PLEKHM2: variants seen among roughly 807,000 people sequenced by gnomAD.
PLEKHM2 encodes pleckstrin homology and RUN domain containing M2.
PLEKHM2 carries 77 observed loss-of-function variants against 116.3 expected under a neutral mutation model. The ratio of observed to expected loss-of-function variants is 0.66; its 90% confidence interval spans 0.55 to 0.80. The LOEUF (loss-of-function observed/expected upper bound fraction) is 0.80. Ranked by LOEUF, PLEKHM2 falls within the 30% of genes least tolerant of loss-of-function variation. The pLI is 0.00. For missense variants in PLEKHM2, 1,183 were observed against 1,354.9 expected (o/e 0.87, Z 1.99); for synonymous variants, 562 against 571.0 (o/e 0.98, Z 0.22).
intron 1 of PLEKHM2, among the ~76,000 whole-genome samples, chr1:15,697,032 G>A (rs565333551): frequency 6.6e-5 from 10 of 152,298 alleles, no homozygotes; most frequent in Admixed American, 4.6e-4. Flanking sequence ...GGTTGTCTGG[G>A]TGGGGGAGGC....
chr1:15,708,100 G>A (rs1332863964), intron 1 of PLEKHM2, among the ~76,000 whole-genome samples: 1 of 152,036 alleles, frequency 6.6e-6, no homozygotes, highest in Non-Finnish European at 1.5e-5. Flanking sequence ...GGCCAGGCTG[G>A]TCTTGAACTC....
At position 15,728,034 on chromosome 1, in the gene PLEKHM2, C is replaced by A; in HGVS notation, c.1761-45C>A. 6.6e-7 allele frequency: 1 copy of A among 1,519,082 alleles called. No individual in the cohort carries two copies. Among genetic ancestry groups the A allele is most frequent in the Non-Finnish European group, 9.0e-7 (1 of 1,105,872 alleles). The allele number at this position is 1,519,082 out of a possible 1,614,324, so 94.1% of individuals were successfully genotyped here. A position where few individuals can be genotyped will look rare whatever the true frequency, so the allele number is the denominator to read the frequency against. On this transcript the variant is annotated intron_variant, in intron 9 of 19. Coordinates refer to ENST00000375799, the MANE Select transcript of PLEKHM2 (RefSeq NM_015164.4). This position sits in a 1 kb window ranked among gnomAD's most constrained non-coding sequence, Gnocchi z 5.9. ...CTGGGGTGGGGTGTGGCCTCTCTCACCGCTGCCTGCCTGACATCTCGCCCT... is the reference window on the plus strand; with the variant it reads ...CTGGGGTGGGGTGTGGCCTCTCTCAACGCTGCCTGCCTGACATCTCGCCCT...
At chr1:15,726,539 A>C (rs1193161440) in intron 8 of PLEKHM2, among the ~76,000 whole-genome samples, 1 of 152,222 alleles carries the variant, frequency 6.6e-6, no homozygotes, top group East Asian at 1.9e-4. Context: ...ACCTGGAACC[A>C]GAGTGGGACC....
chr1:15,706,504 C>G (rs148147268), intron 1 of PLEKHM2, among the ~76,000 whole-genome samples: 2,048 of 152,290 alleles, frequency 0.013, 40 homozygotes, highest in African/African-American at 0.047. Context: ...CTCCCAGGTT[C>G]AAATGATTCT....
At chr1:15,708,398 G>A (rs953582469) in intron 1 of PLEKHM2, among the ~76,000 whole-genome samples, 34 of 150,912 alleles carry the variant, frequency 2.3e-4, no homozygotes, top group African/African-American at 8.1e-4. Flanking sequence ...TGTATTTTTA[G>A]TAGAGATGGG....
In PLEKHM2 at chr1:15,721,041, G is replaced by A. The variant is rs1024637983; in HGVS notation, c.653-288G>A. 3 of 386,420 alleles carry A rather than the reference G, an allele frequency of 7.8e-6. No homozygotes were observed. The highest frequency in any genetic ancestry group is 6.2e-5 in the African/African-American group (3 of 48,016). The allele number at this position is 386,420 out of a possible 1,614,324, so 23.9% of individuals were successfully genotyped here. On this transcript the variant is annotated intron_variant, in intron 6 of 19. Coordinates refer to ENST00000375799, the MANE Select transcript of PLEKHM2 (RefSeq NM_015164.4). This position sits in a 1 kb window ranked among gnomAD's most constrained non-coding sequence, Gnocchi z 5.1. ...CGTAAGAGGTAGAAAACAAAGCTAG[G>A]CACAGGCAGCCAGGCTTCTCTCTGC...
Position 15,729,067 on chromosome 1 carries a change from G to A in PLEKHM2, c.1987-35G>A. On this transcript the variant is annotated intron_variant, in intron 12 of 19. Transcript: ENST00000375799. The surrounding 1 kb of genome is among the most constrained non-coding windows in gnomAD (Gnocchi z 4.7). Reference sequence around the variant, plus strand: ...GCCTTCTCCGCCAGGCAGCAGCTAAGCCCCAAGTGCATGTCACGGTGTGGT... The same window carrying A: ...GCCTTCTCCGCCAGGCAGCAGCTAAACCCCAAGTGCATGTCACGGTGTGGT... 6.3e-7 allele frequency: 1 copy of A among 1,575,934 alleles called. No individual in the cohort carries two copies. Among genetic ancestry groups the A allele is most frequent in the Non-Finnish European group, 8.6e-7 (1 of 1,157,206 alleles).
Position 15,718,547 on chromosome 1 carries a change from GGT to G in PLEKHM2, c.388_389del (p.Val130LeufsTer49). On this transcript the variant is annotated frameshift_variant, in exon 5 of 20. Coordinates refer to ENST00000375799, the MANE Select transcript of PLEKHM2 (RefSeq NM_015164.4). LOFTEE classifies it high-confidence loss of function. ...LHKYYVKNALVCSHDHLTLFL... is the reference protein window; with the variant it reads ...LHKYYVKNALXCSHDHLTLFL... ...TTCTCATGTCTTGCAGGAATGCCCT[GGT>G]CTGCAGCCACGATCACCTGACGCTC... 6.4e-7 allele frequency: 1 copy of G among 1,569,826 alleles called. No homozygotes were observed. The highest frequency in any genetic ancestry group is 2.3e-5 in the East Asian group (1 of 42,872).
intron 1 of PLEKHM2, among the ~76,000 whole-genome samples, chr1:15,709,577 TTAAG>T (rs1641289411): frequency 6.6e-6 from 1 of 151,910 alleles, no homozygotes; most frequent in South Asian, 2.1e-4. Context: ...GGTTAGAGAG[TTAAG>T]TAATTTGCCA....
chr1:15,703,252 G>C (rs140682851), intron 1 of PLEKHM2, among the ~76,000 whole-genome samples: 1 of 152,222 alleles, frequency 6.6e-6, no homozygotes, highest in African/African-American at 2.4e-5. Context: ...CTGTGTCTGC[G>C]GTGGCTGAGC....
Position 15,730,668 on chromosome 1 carries a change from C to T in PLEKHM2, c.2345C>T (p.Ala782Val), listed in dbSNP as rs374474391. The change falls in exon 15 of 20, where the codon GCG becomes GTG. Residue 782 changes from alanine (A) to valine (V), a missense_variant. Physicochemically the swap from Ala to Val is moderately conservative, Grantham distance 64. Coordinates refer to ENST00000375799, the MANE Select transcript of PLEKHM2 (RefSeq NM_015164.4). The part of the protein sequence containing the change: ...ITKEGMLHYK[A>V]GTSYLGKEHW... ...AAAGAAGGCATGCTGCACTACAAGG[C>T]GGGCACCTCCTACCTGGGCAAGGAA... 30 of 1,609,726 alleles carry T rather than the reference C, an allele frequency of 1.9e-5. No homozygotes were observed. The highest frequency in any genetic ancestry group is 1.2e-4 in the South Asian group (11 of 90,172).
Position 15,728,864 on chromosome 1 carries a change from G to C in PLEKHM2, c.1986+131G>C. On this transcript the variant is annotated intron_variant, in intron 12 of 19. Transcript: ENST00000375799. The surrounding 1 kb of genome is among the most constrained non-coding windows in gnomAD (Gnocchi z 5.9). ...GGGTTGGGCACCAACTTAACTCTCA[G>C]AGAGGCTTCTGTACACGATGCTGGG... 2 of 889,716 alleles carry C rather than the reference G, an allele frequency of 2.2e-6. No homozygotes were observed. Among genetic ancestry groups the C allele is most frequent in the Non-Finnish European group, 3.6e-6 (2 of 560,066 alleles). 55.1% of individuals were successfully genotyped at this position (889,716 alleles called of 1,614,324 possible). A position where few individuals can be genotyped will look rare whatever the true frequency, so the allele number is the denominator to read the frequency against.
chr1:15,713,066 G>T (rs1571046130), intron 1 of PLEKHM2, among the ~76,000 whole-genome samples: 1 of 152,288 alleles, frequency 6.6e-6, no homozygotes, highest in African/African-American at 2.4e-5. Context: ...CTCCCAAAGT[G>T]CTGGGATTAT....
chr1:15,691,410 C>T (rs1640886412), intron 1 of PLEKHM2, among the ~76,000 whole-genome samples: 1 of 152,174 alleles, frequency 6.6e-6, no homozygotes, highest in South Asian at 2.1e-4. Context: ...TTTAAAAACA[C>T]ACAAATAGCT....
chr1:15,725,046 G>A (rs532445275), intron 7 of PLEKHM2, among the ~76,000 whole-genome samples: 13 of 152,206 alleles, frequency 8.5e-5, no homozygotes, highest in African/African-American at 2.2e-4. Context: ...CTGCTTCACC[G>A]CGGGGGCCCT....
rs2068127720 is a variant in PLEKHM2, at chr1:15,730,590, A to T, written c.2267A>T (p.Glu756Val). The change falls in exon 15 of 20, where the codon GAG (glutamate) becomes GTG (valine). Residue 756 changes from glutamate (E) to valine (V), a missense_variant. Glu to Val is a moderately radical substitution (Grantham distance 121). Transcript: ENST00000375799. ...GTGCACTGGGAGGACCCCACAGACG[A>T]GTCCCTGGGCCCCACGCCCTGCCAC... ...GLVHWEDPTD[E>V]SLGPTPCHCS... The T allele has an allele frequency of 6.2e-7, 1 of 1,605,936 alleles. No individual in the cohort carries two copies. The highest frequency in any genetic ancestry group is 8.5e-7 in the Non-Finnish European group (1 of 1,177,010).
At chr1:15,710,112 A>T (rs944023346) in intron 1 of PLEKHM2, among the ~76,000 whole-genome samples, 1 of 150,962 alleles carries the variant, frequency 6.6e-6, no homozygotes, top group Non-Finnish European at 1.5e-5. Context: ...CTGTAGTCCC[A>T]GCTACTCGGG....
chr1:15,721,462 A>T lies in PLEKHM2; in HGVS notation c.712+74A>T, dbSNP rs1033356681. ...CATGCCAAGCTTGCTGCATGTATCAAATCAGCTCCTTATTATTTATAATAA... is the reference window on the plus strand; with the variant it reads ...CATGCCAAGCTTGCTGCATGTATCATATCAGCTCCTTATTATTTATAATAA... On this transcript the variant is annotated intron_variant, in intron 7 of 19. Coordinates refer to ENST00000375799, the MANE Select transcript of PLEKHM2 (RefSeq NM_015164.4). This position sits in a 1 kb window ranked among gnomAD's most constrained non-coding sequence, Gnocchi z 5.1. The T allele has an allele frequency of 1.2e-6, 1 of 837,422 alleles. No individual in the cohort carries two copies. 51.9% of individuals were successfully genotyped at this position (837,422 alleles called of 1,614,324 possible).
In PLEKHM2 at chr1:15,719,677, C is replaced by A; in HGVS notation, c.466-57C>A. The A allele has an allele frequency of 8.0e-7, 1 of 1,246,558 alleles. No individual in the cohort carries two copies. The highest frequency in any genetic ancestry group is 1.2e-6 in the Non-Finnish European group (1 of 859,848). 77.2% of individuals were successfully genotyped at this position (1,246,558 alleles called of 1,614,324 possible). ...TCCCAGGCCTGGATCCTGCTGTCTGCAGAAGGCCGCTGCACGAGGCCTCCC... is the reference window on the plus strand; with the variant it reads ...TCCCAGGCCTGGATCCTGCTGTCTGAAGAAGGCCGCTGCACGAGGCCTCCC... On this transcript the variant is annotated intron_variant, in intron 5 of 19. Transcript: ENST00000375799. The surrounding 1 kb of genome is among the most constrained non-coding windows in gnomAD (Gnocchi z 4.1).
Sources: gnomAD v4.1 joint callset for allele counts (sites outside exome capture counted in the v4.1 genomes callset) on GRCh38, gnomAD v4.1.1 for gene constraint, Gnocchi (gnomAD v3.1) non-coding constraint, MANE v1.5 for transcripts, NCBI Gene and HGNC (gene_info 2026-07-23, HGNC 2026-07-21) for gene names.